The following WDR43 variants were observed in gnomAD, a reference collection of about 807,000 sequenced individuals.
WDR43 encodes WD repeat domain 43.
In WDR43, 13 loss-of-function variants were observed where a neutral mutation model predicts 91.4. That is an observed-to-expected ratio of 0.14 (90% CI 0.09 to 0.23). WDR43 has a LOEUF of 0.23. WDR43 is among the 10% of genes least tolerant of loss of function. The pLI is 1.00. For synonymous variants in WDR43, 331 were observed against 287.9 expected, an observed-to-expected ratio of 1.15 and a Z score of -1.51; for missense variants, 780 against 809.4, an observed-to-expected ratio of 0.96 and a Z score of 0.44.
chr2:28,931,587 C>G (rs1172078782), intron 11 of WDR43, among the ~76,000 whole-genome samples: 1 of 151,800 alleles, frequency 6.6e-6, no homozygotes, highest in African/African-American at 2.4e-5. Flanking sequence ...TAGGTTAGAT[C>G]TAGAAGCTTG....
chr2:28,895,169 A>C, intron 1 of WDR43: 7 of 344,646 alleles, frequency 2.0e-5, no homozygotes, highest in East Asian at 4.7e-5. Flanking sequence ...GGCTGGCCCA[A>C]TGAGGCCTGG....
chr2:28,927,070 C>T (rs1462750525), intron 9 of WDR43: 1 of 519,394 alleles, frequency 1.9e-6, no homozygotes, highest in South Asian at 1.4e-5. Flanking sequence ...CCAAGACATG[C>T]TATGATGACA....
chr2:28,928,837 A>G (rs979409879), intron 10 of WDR43, among the ~76,000 whole-genome samples: 1 of 140,838 alleles, frequency 7.1e-6, no homozygotes, highest in African/African-American at 2.5e-5. Context: ...GGATGCCACT[A>G]TGCCTGGCTA....
chr2:28,912,695 C>G lies in WDR43; in HGVS notation c.591C>G (p.Thr197=). The change falls in exon 4 of 18, where the codon ACC becomes ACG. Residue 197 remains threonine (T), a synonymous_variant. Transcript: ENST00000407426. ...CAATCAAACTATGGGTTTTGGAGACCAAAGAAGTCTACAGGGTGAGCGAAT... is the reference window on the plus strand; with the variant it reads ...CAATCAAACTATGGGTTTTGGAGACGAAAGAAGTCTACAGGGTGAGCGAAT... ...GRTIKLWVLE[T]KEVYRHFTGH... The G allele has an allele frequency of 1.2e-6, 2 of 1,613,556 alleles. No homozygotes were observed.
At chr2:28,913,569 A>G (rs35033327) in intron 4 of WDR43, 10,879 of 441,172 alleles carry the variant, frequency 0.025, 194 homozygotes, top group Non-Finnish European at 0.036. Context: ...GCCTACATCC[A>G]GCATTTAGTC....
rs774187939 is a variant in WDR43, at chr2:28,917,989, A to G, written c.843A>G (p.Lys281=). Residue 281 remains lysine (K), a synonymous_variant, in exon 6 of 18, where the codon AAA becomes AAG. Transcript: ENST00000407426. ...TTGACTTAACTTTGTCAGAAAACAA[A>G]GAAGAGGTAAATGGCTCGATTTTTG... ...VYIDLTLSEN[K]EEPVKLAVVC... 6.4e-6 allele frequency: 10 copies of G among 1,571,542 alleles called. No homozygotes were observed. The South Asian group carries it at 1.2e-4, about 19-fold the overall frequency.
chr2:28,894,912 C>A lies in WDR43; in HGVS notation c.214C>A (p.Leu72Met). The A allele has an allele frequency of 6.3e-7, 1 of 1,591,810 alleles. No homozygotes were observed. Among genetic ancestry groups the A allele is most frequent in the Non-Finnish European group, 8.5e-7 (1 of 1,169,922 alleles). Residue 72 changes from leucine (L) to methionine (M), a missense_variant, in exon 1 of 18, where the codon CTG becomes ATG. Around this residue, in one of 4 missense-constraint regions of WDR43, gnomAD observed 175 missense variants for 113.8 expected, o/e 1.54. Coordinates refer to ENST00000407426, the MANE Select transcript of WDR43 (RefSeq NM_015131.3). ...CTGTCTGGCCTGGGCGCCAGCGCGG[C>A]TGCAGGCCAAGGTAAAGCGAGCGGG... ...CTCLAWAPAR[L>M]QAKESPQRKK...
At chr2:28,903,795 TG>T (rs1670622892) in intron 2 of WDR43, among the ~76,000 whole-genome samples, 3 of 152,158 alleles carry the variant, frequency 2.0e-5, no homozygotes, top group Admixed American at 2.0e-4. Flanking sequence ...CTGTGGCTGC[TG>T]GAGCCTAGAA....
chr2:28,906,433 A>C (rs1206351235), intron 2 of WDR43, 27 bp from the exon 3 acceptor site: 2 of 1,453,178 alleles, frequency 1.4e-6, no homozygotes, highest in Non-Finnish European at 1.8e-6. Flanking sequence ...ACCAGCCTTA[A>C]ATTTTTTTTT....
chr2:28,901,342 G>A (rs1670574854), intron 1 of WDR43, among the ~76,000 whole-genome samples: 1 of 152,200 alleles, frequency 6.6e-6, no homozygotes, highest in Non-Finnish European at 1.5e-5. Flanking sequence ...TGTGGCATTT[G>A]CCACTTGAGT....
chr2:28,903,361 T>C (rs1203658917), intron 2 of WDR43, among the ~76,000 whole-genome samples: 1 of 152,212 alleles, frequency 6.6e-6, no homozygotes, highest in African/African-American at 2.4e-5. Context: ...ATAAAAATAC[T>C]TTCTGGAATA....
intron 15 of WDR43, 97 bp from the exon 16 acceptor site, chr2:28,942,215 T>G: frequency 8.4e-7 from 1 of 1,187,744 alleles, no homozygotes; most frequent in Non-Finnish European, 1.2e-6. Flanking sequence ...GAGGGTGAGT[T>G]AGCAGCAAGC....
intron 16 of WDR43, among the ~76,000 whole-genome samples, chr2:28,943,388 AGCT>A (rs1671485337): frequency 6.6e-6 from 1 of 152,154 alleles, no homozygotes; most frequent in Admixed American, 6.5e-5. Flanking sequence ...TTCTCGCGTC[AGCT>A]TCCCAAAGTG....
intron 3 of WDR43, among the ~76,000 whole-genome samples, chr2:28,907,740 C>G (rs1365920594): frequency 6.6e-6 from 1 of 151,824 alleles, no homozygotes; most frequent in Non-Finnish European, 1.5e-5. Context: ...ATCTCTACTA[C>G]AAAGACAAAA....
intron 3 of WDR43, 122 bp from the exon 4 acceptor site, chr2:28,912,468 A>G (rs1670820461): frequency 1.6e-6 from 2 of 1,217,696 alleles, no homozygotes; most frequent in South Asian, 1.5e-5. Context: ...AGGGAATGTA[A>G]TTGTCACAGG....
At chr2:28,900,922 T>C (rs1291434645) in intron 1 of WDR43, among the ~76,000 whole-genome samples, 1 of 152,150 alleles carries the variant, frequency 6.6e-6, no homozygotes, top group Non-Finnish European at 1.5e-5. Flanking sequence ...CTAGGATAAC[T>C]AAAAGAAAAA....
At chr2:28,918,212 G>C in intron 6 of WDR43, among the ~76,000 whole-genome samples, 1 of 152,208 alleles carries the variant, frequency 6.6e-6, no homozygotes, top group Non-Finnish European at 1.5e-5. Context: ...GTAAATTCAG[G>C]AATTCATTAT....
chr2:28,930,087 A>T (rs995764581), intron 11 of WDR43: 1 of 472,380 alleles, frequency 2.1e-6, no homozygotes, highest in African/African-American at 2.0e-5. Flanking sequence ...TTTACTCTGG[A>T]TTCCAGAAAC....
chr2:28,912,947 ATTTTTTTTTT>A (rs35646381), intron 4 of WDR43, among the ~76,000 whole-genome samples: 4 of 100,958 alleles, frequency 4.0e-5, no homozygotes, highest in Non-Finnish European at 5.8e-5. Flanking sequence ...AAGAAACAAG[ATTTTTTTTTT>A]TTTTTTTTTT....
Sources: gnomAD v4.1 joint callset for allele counts (sites outside exome capture counted in the v4.1 genomes callset) on GRCh38, gnomAD v4.1.1 for gene constraint, gnomAD v4.1.1 regional missense constraint, MANE v1.5 for transcripts, NCBI Gene and HGNC (gene_info 2026-07-23, HGNC 2026-07-21) for gene names.